The following ARL15 variants were observed in gnomAD, a reference collection of about 807,000 sequenced individuals.
ARL15 encodes the protein ARF like GTPase 15.
ARL15 carries 19 observed loss-of-function variants against 25.2 expected under a neutral mutation model. The observed-to-expected ratio is 0.75, with a 90% CI of 0.53 to 1.10. The LOEUF (loss-of-function observed/expected upper bound fraction) is 1.10, where lower values mean the gene tolerates loss of function less well. Among genes scored for constraint, ARL15 ranks in the 50% least tolerant of loss-of-function variants. ARL15 has a pLI of 0.00. For missense variants in ARL15, 220 were observed against 246.0 expected (o/e 0.89, Z 0.71); for synonymous variants, 94 against 86.8 (o/e 1.08, Z -0.46).
chr5:54,115,093 C>T (rs191934288), intron 3 of ARL15, among the ~76,000 whole-genome samples: 224 of 152,270 alleles, frequency 1.5e-3, no homozygotes, highest in Non-Finnish European at 2.7e-3. Flanking sequence ...AGGGTGAAAG[C>T]ACTGTCACTA....
intron 4 of ARL15, among the ~76,000 whole-genome samples, chr5:53,975,539 CTG>C (rs1747895638): frequency 6.6e-6 from 1 of 152,194 alleles, no homozygotes; most frequent in African/African-American, 2.4e-5. Context: ...ATGCAAAGGA[CTG>C]TGAAATGTTC....
chr5:54,016,994 A>G (rs139757273), intron 4 of ARL15, among the ~76,000 whole-genome samples: 91 of 152,360 alleles, frequency 6.0e-4, no homozygotes, highest in Non-Finnish European at 9.7e-4. Flanking sequence ...AACAGCAAAG[A>G]AAGTGAATTT....
chr5:54,023,555 C>T (rs1749683292), intron 4 of ARL15, among the ~76,000 whole-genome samples: 3 of 150,992 alleles, frequency 2.0e-5, no homozygotes, highest in Admixed American at 6.6e-5. Context: ...AGACATGGAA[C>T]TATATGTACA....
Position 54,041,338 on chromosome 5 carries a change from A to C in ARL15, c.462+71864T>G, listed in dbSNP as rs533489573. Among the ~76,000 whole-genome samples the C allele has an allele frequency of 1.9e-4, 29 of 152,294 alleles. No homozygotes were observed. In the South Asian group the frequency reaches 5.0e-3, roughly 26 times the overall value. The stretch of plus-strand genomic sequence containing the variant: ...CTTTGATATAGATTACTTTATTGAC[A>C]ATGGTTCTTTTGTCTTTCTGAAAAC... On this transcript the variant is annotated intron_variant, in intron 4 of 4. Transcript: ENST00000504924.
chr5:53,995,891 T>TAAAAGAGAAACA lies in ARL15; in HGVS notation c.463-109179_463-109178insTGTTTCTCTTTT, dbSNP rs1561181337. Among the ~76,000 whole-genome samples the TAAAAGAGAAACA allele has an allele frequency of 5.9e-5, 9 of 152,300 alleles. No individual in the cohort carries two copies. In the South Asian group the frequency reaches 1.9e-3, roughly 32 times the overall value. The stretch of plus-strand genomic sequence containing the variant: ...CCACTGACCCAAAGAGTCTCTAGCT[T>TAAAAGAGAAACA]AAAACAGAAACAAAAACAGAATAAG... On this transcript the variant is annotated intron_variant, in intron 4 of 4. Transcript: ENST00000504924.
intron 4 of ARL15, among the ~76,000 whole-genome samples, chr5:54,087,976 G>A (rs986601938): frequency 1.3e-5 from 2 of 152,066 alleles, no homozygotes; most frequent in Admixed American, 6.5e-5. Context: ...GTGCCCAGTC[G>A]GCTCCAAATA....
chr5:54,177,049 A>G, intron 1 of ARL15, among the ~76,000 whole-genome samples: 1 of 152,194 alleles, frequency 6.6e-6, no homozygotes, highest in East Asian at 1.9e-4. Context: ...CAGTCTGAAT[A>G]TAAGTATACC....
intron 1 of ARL15, among the ~76,000 whole-genome samples, chr5:54,290,425 G>C (rs1167434269): frequency 1.3e-5 from 2 of 151,224 alleles, no homozygotes; most frequent in Non-Finnish European, 2.9e-5. Flanking sequence ...TCCTGCCTCA[G>C]CCTCCTGAGT....
intron 4 of ARL15, among the ~76,000 whole-genome samples, chr5:54,004,326 C>T (rs1169719671): frequency 1.3e-5 from 2 of 152,002 alleles, no homozygotes; most frequent in African/African-American, 4.8e-5. Flanking sequence ...AACCCCGTCT[C>T]TATTAAAAAT....
intron 4 of ARL15, among the ~76,000 whole-genome samples, chr5:54,107,758 A>C (rs1216460573): frequency 1.3e-5 from 2 of 152,158 alleles, no homozygotes; most frequent in Admixed American, 6.6e-5. Flanking sequence ...GAACATAATA[A>C]ATTACTTTTT....
At chr5:54,068,452 G>A (rs1751315778) in intron 4 of ARL15, among the ~76,000 whole-genome samples, 1 of 152,170 alleles carries the variant, frequency 6.6e-6, no homozygotes, top group South Asian at 2.1e-4. Context: ...CAATCTAGGT[G>A]AACTTTTTGA....
At chr5:53,937,942 G>A (rs1384823189) in intron 4 of ARL15, among the ~76,000 whole-genome samples, 1 of 152,046 alleles carries the variant, frequency 6.6e-6, no homozygotes, top group South Asian at 2.1e-4. Context: ...CCACTCTGGG[G>A]TAAACAATTT....
At chr5:54,209,657 T>G (rs972586917) in intron 1 of ARL15, among the ~76,000 whole-genome samples, 1 of 152,026 alleles carries the variant, frequency 6.6e-6, no homozygotes, top group Admixed American at 6.6e-5. Context: ...TAAAGGACTA[T>G]TTTGAGGTCG....
intron 1 of ARL15, among the ~76,000 whole-genome samples, chr5:54,284,291 G>C (rs575217767): frequency 1.3e-5 from 2 of 152,232 alleles, no homozygotes; most frequent in East Asian, 3.9e-4. Flanking sequence ...TCTTTGTAGA[G>C]ACAGGGTTTT....
chr5:54,300,091 G>A (rs1012891596), intron 1 of ARL15, among the ~76,000 whole-genome samples: 1 of 152,038 alleles, frequency 6.6e-6, no homozygotes, highest in African/African-American at 2.4e-5. Context: ...TACCTACAGT[G>A]GTTTTAAAAC....
intron 4 of ARL15, among the ~76,000 whole-genome samples, chr5:54,016,943 C>A (rs536885998): frequency 3.7e-4 from 56 of 152,286 alleles, no homozygotes; most frequent in Non-Finnish European, 6.5e-4. Flanking sequence ...GTTGGAAAGA[C>A]CAACTCTGTA....
At chr5:54,187,369 T>G (rs781657951) in intron 1 of ARL15, among the ~76,000 whole-genome samples, 1 of 152,112 alleles carries the variant, frequency 6.6e-6, no homozygotes, top group Admixed American at 6.5e-5. Flanking sequence ...TCTTGTGGGA[T>G]TTTCTCCTAA....
At position 54,169,714 on chromosome 5, in the gene ARL15, G is replaced by A. The variant is rs569407509; in HGVS notation, c.193+2070C>T. ...AAGAGATTCTAACCCAAGATGGGGA[G>A]ATGGGCACATACATAAAGCAGTGCT... On this transcript the variant is annotated intron_variant, in intron 2 of 4. Coordinates refer to ENST00000504924, the MANE Select transcript of ARL15 (RefSeq NM_019087.3). Among the ~76,000 whole-genome samples, 19 of 152,314 alleles carry A rather than the reference G, an allele frequency of 1.2e-4. No individual in the cohort carries two copies. In the Middle Eastern group the frequency reaches 0.01, roughly 82 times the overall value.
At chr5:54,256,411 T>A in intron 1 of ARL15, among the ~76,000 whole-genome samples, 1 of 76,384 alleles carries the variant, frequency 1.3e-5, no homozygotes. Context: ...ATCGAATCAG[T>A]TTAAAAAAAA....
Sources: allele counts gnomAD v4.1 joint callset (sites outside exome capture counted in the v4.1 genomes callset), GRCh38; gene constraint gnomAD v4.1.1; transcripts MANE v1.5; gene names NCBI Gene and HGNC (gene_info 2026-07-23, HGNC 2026-07-21).